Variants in KIF24 observed in about 807,000 individuals in gnomAD.
The protein encoded by KIF24 is kinesin-like protein KIF24.
In KIF24, 81 loss-of-function variants were observed where a neutral mutation model predicts 118.9. The ratio of observed to expected loss-of-function variants is 0.68; its 90% confidence interval spans 0.57 to 0.82. The LOEUF is 0.82. KIF24 is among the 40% of genes least tolerant of loss of function. The pLI is 0.00. For synonymous variants in KIF24, 599 were observed against 610.0 expected (o/e 0.98, Z 0.27); for missense variants, 1,560 against 1,661.6 (o/e 0.94, Z 1.06).
At chr9:34,279,804 T>C (rs1835780503) in intron 6 of KIF24, among the ~76,000 whole-genome samples, 1 of 152,218 alleles carries the variant, frequency 6.6e-6, no homozygotes, top group African/African-American at 2.4e-5. Flanking sequence ...TTCAAGTCAA[T>C]AAATATTTAT....
intron 6 of KIF24, among the ~76,000 whole-genome samples, chr9:34,283,100 C>T (rs1475131951): frequency 7.0e-6 from 1 of 143,356 alleles, no homozygotes; most frequent in African/African-American, 2.6e-5. Context: ...GACATGGTGG[C>T]TCATGCCTGT....
At chr9:34,276,732 GACA>G (rs1398706019) in intron 6 of KIF24, among the ~76,000 whole-genome samples, 8 of 152,120 alleles carry the variant, frequency 5.3e-5, no homozygotes, top group African/African-American at 1.9e-4. Context: ...AATTTAAAGA[GACA>G]ACATGATGAA....
chr9:34,264,400 A>G (rs1342876088), intron 8 of KIF24, among the ~76,000 whole-genome samples: 2 of 151,964 alleles, frequency 1.3e-5, no homozygotes, highest in Non-Finnish European at 2.9e-5. Context: ...ACTGTACTCC[A>G]GCCTGGGTGA....
intron 1 of KIF24, among the ~76,000 whole-genome samples, chr9:34,326,429 A>G (rs1837675073): frequency 6.6e-6 from 1 of 152,212 alleles, no homozygotes; most frequent in South Asian, 2.1e-4. Context: ...GGAAGAGATA[A>G]TTAATAATCA....
chr9:34,275,671 T>A lies in KIF24; in HGVS notation c.1216-3741A>T, dbSNP rs570127906. ...CTGGCTAACATGGTGAAACCCCATT[T>A]CTACTAAAAATACAAAAAACTAGCT... On this transcript the variant is annotated intron_variant, in intron 6 of 12. Coordinates refer to ENST00000402558, the MANE Select transcript of KIF24 (RefSeq NM_194313.4). 6.5e-4 allele frequency among the ~76,000 whole-genome samples: 99 copies of A among 151,882 alleles called. 1 individual carries two copies. Among genetic ancestry groups the A allele is most frequent in the Non-Finnish European group, 1.2e-3 (83 of 67,946 alleles).
At chr9:34,296,709 T>C (rs988138480) in intron 4 of KIF24, among the ~76,000 whole-genome samples, 1 of 146,178 alleles carries the variant, frequency 6.8e-6, no homozygotes, top group Non-Finnish European at 1.5e-5. Flanking sequence ...GATGGGATAA[T>C]ATTGTTAAAA....
chr9:34,257,806 G>A lies in KIF24; in HGVS notation c.1801C>T (p.Pro601Ser), dbSNP rs1309563890. 2 of 1,614,010 alleles carry A rather than the reference G, an allele frequency of 1.2e-6. No homozygotes were observed. Among genetic ancestry groups the A allele is most frequent in the Non-Finnish European group, 1.7e-6 (2 of 1,179,894 alleles). Reference sequence around the variant, plus strand: ...TGGACCTTCCCTCTCGTGGAACCAGGGGCTGCCACTGTGAGTGACTGCTGA... The same window carrying A: ...TGGACCTTCCCTCTCGTGGAACCAGAGGCTGCCACTGTGAGTGACTGCTGA... ...GFQQSLTVAAPGSTRGKVHPL... is the reference protein window; with the variant it reads ...GFQQSLTVAASGSTRGKVHPL... Residue 601 changes from proline (P) to serine (S), a missense_variant, in exon 11 of 13, where the codon CCT (proline) becomes TCT (serine). Coordinates refer to ENST00000402558, the MANE Select transcript of KIF24 (RefSeq NM_194313.4).
chr9:34,267,480 C>T (rs752085094), intron 8 of KIF24, among the ~76,000 whole-genome samples: 2 of 152,056 alleles, frequency 1.3e-5, no homozygotes, highest in African/African-American at 4.8e-5. Context: ...AATCTGATCA[C>T]ATCTCTAATT....
At chr9:34,315,591 T>C (rs1003988851) in intron 1 of KIF24, among the ~76,000 whole-genome samples, 2 of 152,224 alleles carry the variant, frequency 1.3e-5, no homozygotes, top group African/African-American at 2.4e-5. Context: ...CCAGAGATAA[T>C]GTAAGATGGT....
At chr9:34,306,114 A>C in intron 3 of KIF24, 138 bp downstream of exon 3, 1 of 653,108 alleles carries the variant, frequency 1.5e-6, no homozygotes, top group Non-Finnish European at 2.7e-6. Flanking sequence ...CACATCAGGA[A>C]TGAATGTCAA....
At position 34,253,893 on chromosome 9, in the gene KIF24, C is replaced by G. The variant is rs769204002; in HGVS notation, c.*487G>C. 1 of 152,986 alleles carries G rather than the reference C, an allele frequency of 6.5e-6. No individual in the cohort carries two copies. Among genetic ancestry groups the G allele is most frequent in the Non-Finnish European group, 1.5e-5 (1 of 68,620 alleles). 9.5% of individuals were successfully genotyped at this position (152,986 alleles called of 1,614,324 possible). On this transcript the variant is annotated 3_prime_UTR_variant, in exon 13 of 13. Transcript: ENST00000402558. The stretch of plus-strand genomic sequence containing the variant: ...GCTCACCCCACCCCTGTCCCCCTAG[C>G]ACCAATGGTTAAGTTTGGGCCAGTG...
intron 9 of KIF24, among the ~76,000 whole-genome samples, chr9:34,260,396 A>G (rs994833458): frequency 6.7e-6 from 1 of 148,556 alleles, no homozygotes; most frequent in Non-Finnish European, 1.5e-5. Flanking sequence ...ACCATTAAAA[A>G]TGATTATACC....
At chr9:34,330,011 C>T (rs1481901979), upstream of KIF24, among the ~76,000 whole-genome samples, 1 of 152,220 alleles carries the variant, frequency 6.6e-6, no homozygotes, top group African/African-American at 2.4e-5. Context: ...CTAATTGCTT[C>T]AGTTATTGAA....
chr9:34,261,401 T>G (rs1025441938), intron 9 of KIF24, among the ~76,000 whole-genome samples: 2 of 151,994 alleles, frequency 1.3e-5, no homozygotes, highest in South Asian at 2.1e-4. Context: ...TACTGGAGTT[T>G]TTTGTTAATA....
At chr9:34,303,099 G>C (rs772995696) in intron 3 of KIF24, among the ~76,000 whole-genome samples, 15 of 151,498 alleles carry the variant, frequency 9.9e-5, no homozygotes, top group Admixed American at 5.3e-4. Flanking sequence ...AATTTTTACA[G>C]AGACAGGCTT....
At chr9:34,328,246 T>G (rs908437231) in intron 1 of KIF24, among the ~76,000 whole-genome samples, 1 of 152,188 alleles carries the variant, frequency 6.6e-6, no homozygotes, top group Admixed American at 6.5e-5. Context: ...ACTTGTAGAA[T>G]ACAAGTACAA....
At chr9:34,302,302 TTTTC>T (rs764611438) in intron 3 of KIF24, among the ~76,000 whole-genome samples, 22 of 151,594 alleles carry the variant, frequency 1.5e-4, no homozygotes, top group African/African-American at 3.6e-4. Flanking sequence ...CCTGGCCTCT[TTTTC>T]TTTATTATTA....
chr9:34,308,205 C>T (rs1837003152), intron 2 of KIF24, among the ~76,000 whole-genome samples: 1 of 152,062 alleles, frequency 6.6e-6, no homozygotes, highest in African/African-American at 2.4e-5. Flanking sequence ...TGGGCTCAAG[C>T]AATCTGCCTG....
chr9:34,254,039 C>T lies in KIF24; in HGVS notation c.*341G>A. On this transcript the variant is annotated 3_prime_UTR_variant, in exon 13 of 13. Transcript: ENST00000402558. ...CCACTGACCACCCCATCCTCTGATC[C>T]CCAAACTTAGAAACTTCAGGGTTAT... The T allele has an allele frequency of 5.5e-6, 1 of 183,206 alleles. No homozygotes were observed. The highest frequency in any genetic ancestry group is 1.4e-4 in the East Asian group (1 of 7,210). The allele number at this position is 183,206 out of a possible 1,614,324, so 11.3% of individuals were successfully genotyped here. A position where few individuals can be genotyped will look rare whatever the true frequency, so the allele number is the denominator to read the frequency against.
Sources: gnomAD v4.1 joint callset for allele counts (sites outside exome capture counted in the v4.1 genomes callset) on GRCh38, gnomAD v4.1.1 for gene constraint, MANE v1.5 for transcripts, NCBI Gene and HGNC (gene_info 2026-07-23, HGNC 2026-07-21) for gene names.